Variants in ORC6 observed in about 807,000 individuals in gnomAD.
The protein encoded by ORC6 is origin recognition complex subunit 6.
Under a neutral mutation model 30.0 loss-of-function variants are expected in ORC6, and 31 were observed. The ratio of observed to expected loss-of-function variants is 1.03; its 90% confidence interval spans 0.78 to 1.40. The LOEUF is 1.40. ORC6 is among the 40% of genes most tolerant of loss of function. The pLI is 0.00. For missense variants in ORC6, 340 were observed against 304.3 expected, an observed-to-expected ratio of 1.12 and a Z score of -0.87; for synonymous variants, 136 against 111.2, an observed-to-expected ratio of 1.22 and a Z score of -1.40.
chr16:46,693,804 C>A (rs1303455039), intron 4 of ORC6: 1 of 64,752 alleles, frequency 1.5e-5, no homozygotes, highest in Non-Finnish European at 3.2e-5. Flanking sequence ...GCAACACTGT[C>A]TCTTTTTTTT....
chr16:46,689,894 C>T (rs1257605607), intron 1 of ORC6, 124 bp downstream of exon 1: 26 of 1,322,758 alleles, frequency 2.0e-5, no homozygotes, highest in East Asian at 3.1e-5. Context: ...TGGGGCCGGG[C>T]GGGGTTTAGG....
At chr16:46,692,124 T>C (rs1197057133) in intron 2 of ORC6, among the ~76,000 whole-genome samples, 3 of 152,058 alleles carry the variant, frequency 2.0e-5, no homozygotes, top group Non-Finnish European at 4.4e-5. Context: ...TATATTAATA[T>C]TGTGTTATAA....
intron 1 of ORC6, 79 bp downstream of exon 1, chr16:46,689,849 C>T: frequency 6.8e-7 from 1 of 1,468,166 alleles, no homozygotes; most frequent in Non-Finnish European, 9.0e-7. Context: ...GCGCCCTTCC[C>T]AGGCGACGGG....
At chr16:46,691,956 A>T (rs1972579) in intron 2 of ORC6, among the ~76,000 whole-genome samples, 33 of 4,862 alleles carry the variant, frequency 6.8e-3, no homozygotes, top group South Asian at 0.029. Context: ...ACACACACAC[A>T]CACTCTCTCT....
chr16:46,694,052 G>T (rs1230596174), intron 4 of ORC6: 3 of 49,270 alleles, frequency 6.1e-5, no homozygotes, highest in Non-Finnish European at 8.0e-5. Context: ...TTAGGGATTG[G>T]TGATGACTCT....
chr16:46,691,393 G>A (rs1437504966), intron 2 of ORC6, among the ~76,000 whole-genome samples: 1 of 152,112 alleles, frequency 6.6e-6, no homozygotes, highest in Admixed American at 6.5e-5. Flanking sequence ...TTTAAAGCAC[G>A]TATTTCCAAA....
chr16:46,696,125 G>A (rs1473548796), intron 6 of ORC6, 40 bp downstream of exon 6: 1 of 1,377,480 alleles, frequency 7.3e-7, no homozygotes, highest in Non-Finnish European at 1.0e-6. Flanking sequence ...GACATTTTAT[G>A]CAGTGAACAG....
intron 4 of ORC6, chr16:46,693,871 A>AT (rs1966484559): frequency 3.0e-5 from 1 of 33,234 alleles, no homozygotes; most frequent in African/African-American, 1.2e-4. Flanking sequence ...TTTTTAATTT[A>AT]TTTTTTTTTT....
rs1966470382 is a variant in ORC6 at position 46,693,261 on chromosome 16, A to G, written c.449+79A>G. 4 of 850,250 alleles carry G rather than the reference A, an allele frequency of 4.7e-6. No individual in the cohort carries two copies. In the Admixed American group the frequency reaches 6.9e-5, roughly 15 times the overall value. 52.7% of individuals were successfully genotyped at this position (850,250 alleles called of 1,614,324 possible). A position where few individuals can be genotyped will look rare whatever the true frequency, so the allele number is the denominator to read the frequency against. On this transcript the variant is annotated intron_variant, in intron 4 of 6. Transcript: ENST00000219097. ...CATCCCCAAGGAATACTTCTAACTTAGTTGATATCAATTCAGAGCATATTT... is the reference window on the plus strand; with the variant it reads ...CATCCCCAAGGAATACTTCTAACTTGGTTGATATCAATTCAGAGCATATTT...
At chr16:46,692,576 T>C (rs1966458787) in intron 3 of ORC6, 31 bp downstream of exon 3, 1 of 1,596,350 alleles carries the variant, frequency 6.3e-7, no homozygotes, top group Admixed American at 1.7e-5. Flanking sequence ...TAATTGAAAA[T>C]GTATACCAAT....
rs751776161 is a variant in ORC6 at position 46,697,466 on chromosome 16, A to G, written c.640A>G (p.Lys214Glu). ...VVEAPAKEME[K>E]VEEMPHKPQK... Reference sequence around the variant, plus strand: ...TGATAATTTTCTGTCAGAAATGGAGAAGGTAGAGGAGATGCCACATAAACC... The same window carrying G: ...TGATAATTTTCTGTCAGAAATGGAGGAGGTAGAGGAGATGCCACATAAACC... Residue 214 changes from lysine to glutamate, a missense_variant, in exon 7 of 7, where the codon AAG becomes GAG. By Grantham distance (56) the Lys-to-Glu change is moderately conservative. Coordinates refer to ENST00000219097, the MANE Select transcript of ORC6 (RefSeq NM_014321.4). 8.1e-6 allele frequency: 13 copies of G among 1,612,308 alleles called. No individual in the cohort carries two copies. The Admixed American group carries it at 1.7e-4, about 21-fold the overall frequency.
At chr16:46,694,877 GC>G (rs1330976732) in intron 4 of ORC6, 1 of 152,168 alleles carries the variant, frequency 6.6e-6, no homozygotes, top group Non-Finnish European at 1.5e-5. Context: ...AATGTAGTTG[GC>G]CCTTAAAGAA....
Position 46,697,677 on chromosome 16 carries a change from T to C in ORC6, c.*92T>C, listed in dbSNP as rs1227286342. 2 of 1,350,204 alleles carry C rather than the reference T, an allele frequency of 1.5e-6. No homozygotes were observed. The highest frequency in any genetic ancestry group is 2.9e-5 in the African/African-American group (2 of 69,526). The allele number at this position is 1,350,204 out of a possible 1,614,324, so 83.6% of individuals were successfully genotyped here. A position where few individuals can be genotyped will look rare whatever the true frequency, so the allele number is the denominator to read the frequency against. ...GGCTTTGGGATTTTGTTTAAACTTT[T>C]ATAATAAGGATCCTAAGACTGTTGC... On this transcript the variant is annotated 3_prime_UTR_variant, in exon 7 of 7. Transcript: ENST00000219097.
chr16:46,693,256 A>G (rs1183023560), intron 4 of ORC6, 74 bp downstream of exon 4: 4 of 877,470 alleles, frequency 4.6e-6, no homozygotes, highest in Non-Finnish European at 7.8e-6. Context: ...GAATACTTCT[A>G]ACTTAGTTGA....
At chr16:46,694,826 T>G (rs1346559299) in intron 4 of ORC6, 1 of 152,260 alleles carries the variant, frequency 6.6e-6, no homozygotes, top group Non-Finnish European at 1.5e-5. Flanking sequence ...TGTCTAAAGT[T>G]ATCTTATTTT....
At chr16:46,695,724 T>C (rs758649678) in intron 5 of ORC6, 50 bp downstream of exon 5, 3 of 1,263,850 alleles carry the variant, frequency 2.4e-6, no homozygotes, top group Non-Finnish European at 1.2e-6. Flanking sequence ...GTAGTCCTTT[T>C]GCTTGTAAAA....
chr16:46,690,056 A>C lies in ORC6; in HGVS notation c.65+286A>C, dbSNP rs933368966. Among the ~76,000 whole-genome samples the C allele has an allele frequency of 2.0e-5, 3 of 152,184 alleles. No homozygotes were observed. In the East Asian group the frequency reaches 5.8e-4, roughly 29 times the overall value. On this transcript the variant is annotated intron_variant, in intron 1 of 6. Coordinates refer to ENST00000219097, the MANE Select transcript of ORC6 (RefSeq NM_014321.4). The stretch of plus-strand genomic sequence containing the variant: ...GGAGAACTTTCCGTTCATTCCGCCA[A>C]CGCCTACTGCAGTCGGGTTTATAGC...
chr16:46,692,730 A>T lies in ORC6; in HGVS notation c.359+185A>T, dbSNP rs36314. On this transcript the variant is annotated intron_variant, in intron 3 of 6. Transcript: ENST00000219097. ...TAAAAATACAAAAATTAGCTGGGCG[A>T]GGCGTCATGCACCTGTAATCCCAGC... Among the ~76,000 whole-genome samples the T allele has an allele frequency of 0.99, 150,020 of 152,284 alleles. 73,922 individuals are homozygous for T. The highest frequency in any genetic ancestry group is 1 in the East Asian group (5,184 of 5,184).
In ORC6 at chr16:46,691,055, G is replaced by T. The variant is rs1367380553; in HGVS notation, c.130G>T (p.Glu44Ter). The T allele has an allele frequency of 9.9e-6, 16 of 1,614,230 alleles. No individual in the cohort carries two copies. The highest frequency in any genetic ancestry group is 1.4e-5 in the Non-Finnish European group (16 of 1,180,018). Residue 44 changes from glutamate (E) to a stop codon, truncating the protein, a stop_gained, in exon 2 of 7, where the codon GAG (glutamate) becomes TAG (stop). Transcript: ENST00000219097. LOFTEE classifies it high-confidence loss of function. ...KCVGLSARTTETSSAVMCLDL... is the reference protein window; with the variant it reads ...KCVGLSARTT ...TGTCGGCCTCTCCGCACGCACCACG[G>T]AGACCAGCAGTGCAGTCATGTGCCT...
Sources: allele counts gnomAD v4.1 joint callset (sites outside exome capture counted in the v4.1 genomes callset), GRCh38; gene constraint gnomAD v4.1.1; transcripts MANE v1.5; gene names NCBI Gene and HGNC (gene_info 2026-07-23, HGNC 2026-07-21).